Variants in TM9SF3 observed in about 807,000 individuals in gnomAD.
TM9SF3 encodes SM-11044-binding protein.
A neutral mutation model predicts 78.6 loss-of-function variants in TM9SF3; 14 were observed. That is an observed-to-expected ratio of 0.18 (90% CI 0.12 to 0.28). The LOEUF (loss-of-function observed/expected upper bound fraction) is 0.28, where lower values mean the gene tolerates loss of function less well. Ranked by LOEUF, TM9SF3 falls within the 10% of genes least tolerant of loss-of-function variation. TM9SF3 has a pLI of 1.00. For missense variants in TM9SF3, 496 were observed against 721.9 expected (o/e 0.69, Z 3.59); for synonymous variants, 231 against 241.7 (o/e 0.96, Z 0.41).
At chr10:96,547,823 A>G in intron 8 of TM9SF3, 72 bp downstream of exon 8, 1 of 1,359,120 alleles carries the variant, frequency 7.4e-7, no homozygotes, top group South Asian at 1.2e-5. Context: ...CTCTCAAAAC[A>G]AACAAAAAAA....
chr10:96,562,192 T>G, intron 3 of TM9SF3, 54 bp from the exon 4 acceptor site: 1 of 1,299,724 alleles, frequency 7.7e-7, no homozygotes, highest in Non-Finnish European at 1.1e-6. Flanking sequence ...ATTTAAAATA[T>G]CCTACAAGCT....
intron 8 of TM9SF3, among the ~76,000 whole-genome samples, chr10:96,547,681 T>C (rs2134141165): frequency 6.6e-6 from 1 of 152,236 alleles, no homozygotes; most frequent in Non-Finnish European, 1.5e-5. Flanking sequence ...TAGCTGGGCA[T>C]GGTGGCACAC....
chr10:96,559,779 A>G (rs1409912004), intron 4 of TM9SF3, 43 bp from the exon 5 acceptor site: 3 of 1,199,630 alleles, frequency 2.5e-6, no homozygotes, highest in Non-Finnish European at 2.4e-6. Context: ...CCAGTAAACA[A>G]ATTAATAATC....
chr10:96,559,978 T>A (rs1316381170), intron 4 of TM9SF3, among the ~76,000 whole-genome samples: 7 of 152,230 alleles, frequency 4.6e-5, no homozygotes, highest in African/African-American at 1.4e-4. Flanking sequence ...TCAAGGACTG[T>A]TTACTTTTGT....
rs1197075045 is a variant in TM9SF3, at chr10:96,538,985, A to G, written c.1185+5091T>C. On this transcript the variant is annotated intron_variant, in intron 9 of 14. Transcript: ENST00000371142. ...TCTTGAAAACTTAAACTACCATATG[A>G]CCCAGCCATTCCACTCCTAGTTATT... Among the ~76,000 whole-genome samples the G allele has an allele frequency of 2.0e-5, 3 of 152,352 alleles. No homozygotes were observed. In the East Asian group the frequency reaches 5.8e-4, roughly 29 times the overall value.
intron 8 of TM9SF3, among the ~76,000 whole-genome samples, chr10:96,544,841 C>T (rs1165791975): frequency 6.6e-6 from 1 of 151,664 alleles, no homozygotes. Context: ...AAAAATTAAA[C>T]GTGAAATAAT....
intron 2 of TM9SF3, among the ~76,000 whole-genome samples, chr10:96,573,248 A>C (rs1417113205): frequency 5.9e-5 from 9 of 152,200 alleles, no homozygotes; most frequent in Non-Finnish European, 1.3e-4. Flanking sequence ...CACCATGGAT[A>C]AATCACTTTA....
At chr10:96,555,843 C>G (rs1315628908) in intron 5 of TM9SF3, among the ~76,000 whole-genome samples, 1 of 152,134 alleles carries the variant, frequency 6.6e-6, no homozygotes, top group Non-Finnish European at 1.5e-5. Context: ...TGTTCCCACC[C>G]TGAGATGTTA....
In TM9SF3 at chr10:96,527,446, A is replaced by G; in HGVS notation, c.1592T>C (p.Met531Thr). The G allele has an allele frequency of 6.2e-7, 1 of 1,611,326 alleles. No homozygotes were observed. Among genetic ancestry groups the G allele is most frequent in the African/African-American group, 1.3e-5 (1 of 74,944 alleles). Residue 531 changes from methionine (M) to threonine (T), a missense_variant, in exon 13 of 15, where the codon ATG becomes ACG. This residue lies in a region of TM9SF3 where 280 missense variants were observed against 422.6 expected (regional missense o/e 0.66). Transcript: ENST00000371142. ...GAAAAAATAGTAGTAAAAGGAATACATGTAAACATAGATTGCAGTTGATGC... is the reference window on the plus strand; with the variant it reads ...GAAAAAATAGTAGTAAAAGGAATACGTGTAAACATAGATTGCAGTTGATGC... ...SAASTAIYVY[M>T]YSFYYYFFKT...
intron 9 of TM9SF3, among the ~76,000 whole-genome samples, chr10:96,539,946 C>A (rs1322230540): frequency 6.6e-6 from 1 of 152,182 alleles, no homozygotes; most frequent in African/African-American, 2.4e-5. Flanking sequence ...CTGCCTATCT[C>A]TTTGCGTTCT....
In TM9SF3 at chr10:96,521,132, A is replaced by C. The variant is rs996828479; in HGVS notation, c.*1131T>G. 5.4e-6 allele frequency: 2 copies of C among 370,928 alleles called. No homozygotes were observed. Among genetic ancestry groups the C allele is most frequent in the Non-Finnish European group, 9.6e-6 (2 of 207,924 alleles). The allele number at this position is 370,928 out of a possible 1,614,324, so 23.0% of individuals were successfully genotyped here. A position where few individuals can be genotyped will look rare whatever the true frequency, so the allele number is the denominator to read the frequency against. On this transcript the variant is annotated 3_prime_UTR_variant, in exon 15 of 15. Transcript: ENST00000371142. Reference sequence around the variant, plus strand: ...TCTCAGAAAATAAACAGAAGAAAACAACCCCCCTCCCAAAAGAAGTATGAC... The same window carrying C: ...TCTCAGAAAATAAACAGAAGAAAACCACCCCCCTCCCAAAAGAAGTATGAC...
chr10:96,563,911 A>G lies in TM9SF3; in HGVS notation c.421+1393T>C, dbSNP rs372473556. Among the ~76,000 whole-genome samples, 7 of 151,992 alleles carry G rather than the reference A, an allele frequency of 4.6e-5. No homozygotes were observed. In the South Asian group the frequency reaches 1.5e-3, roughly 32 times the overall value. On this transcript the variant is annotated intron_variant, in intron 3 of 14. Transcript: ENST00000371142. Reference sequence around the variant, plus strand: ...AAAAGTATTTCCCCAAACAGGGCATATTCTAAAATCCCAGGGCTATAATAA... The same window carrying G: ...AAAAGTATTTCCCCAAACAGGGCATGTTCTAAAATCCCAGGGCTATAATAA...
chr10:96,582,575 C>G (rs1848582728), intron 1 of TM9SF3, among the ~76,000 whole-genome samples: 1 of 152,092 alleles, frequency 6.6e-6, no homozygotes, highest in Non-Finnish European at 1.5e-5. Context: ...TCCCTTCAAT[C>G]AGTTATTAAA....
chr10:96,546,901 T>C (rs1251176719), intron 8 of TM9SF3, among the ~76,000 whole-genome samples: 1 of 152,208 alleles, frequency 6.6e-6, no homozygotes, highest in Non-Finnish European at 1.5e-5. Flanking sequence ...TTTTAAGGTA[T>C]TTCAACAACA....
rs369619360 is a variant in TM9SF3 at position 96,582,107 on chromosome 10, C to CA, written c.102+4626dup. ...CACAGTGCTTGCGTATATAACAGAC[C>CA]AAAAAAAAAAAAATCTGACTTTGTG... On this transcript the variant is annotated intron_variant, in intron 1 of 14. Coordinates refer to ENST00000371142, the MANE Select transcript of TM9SF3 (RefSeq NM_020123.4). Among the ~76,000 whole-genome samples, 747 of 139,634 alleles carry CA rather than the reference C, an allele frequency of 5.3e-3. 15 individuals are homozygous for CA. The highest frequency in any genetic ancestry group is 2.5e-3 in the East Asian group (12 of 4,886). 91.6% of individuals were successfully genotyped at this position (139,634 alleles called of 152,430 possible).
rs936656014 is a variant in TM9SF3, at chr10:96,518,431, T to C, written c.*3832A>G. The C allele has an allele frequency of 6.6e-6, 1 of 152,196 alleles. No homozygotes were observed. The highest frequency in any genetic ancestry group is 1.5e-5 in the Non-Finnish European group (1 of 68,010). The allele number at this position is 152,196 out of a possible 1,614,324, so 9.4% of individuals were successfully genotyped here. A position where few individuals can be genotyped will look rare whatever the true frequency, so the allele number is the denominator to read the frequency against. The stretch of plus-strand genomic sequence containing the variant: ...CAAATAGAATTCCATGTTATTTCTT[T>C]CTTGCCTTAAGCTCTTATATCTTTC... On this transcript the variant is annotated 3_prime_UTR_variant, in exon 15 of 15. Coordinates refer to ENST00000371142, the MANE Select transcript of TM9SF3 (RefSeq NM_020123.4).
Position 96,518,900 on chromosome 10 carries a change from T to C in TM9SF3, c.*3363A>G, listed in dbSNP as rs1166323236. ...GAAGATATAAAACATTAATGAATAC[T>C]TGTGTTTTAATACATCACTACTCCT... On this transcript the variant is annotated 3_prime_UTR_variant, in exon 15 of 15. Coordinates refer to ENST00000371142, the MANE Select transcript of TM9SF3 (RefSeq NM_020123.4). 6.6e-6 allele frequency: 1 copy of C among 152,148 alleles called. No homozygotes were observed. The highest frequency in any genetic ancestry group is 1.9e-4 in the East Asian group (1 of 5,198). The allele number at this position is 152,148 out of a possible 1,614,324, so 9.4% of individuals were successfully genotyped here.
intron 2 of TM9SF3, among the ~76,000 whole-genome samples, chr10:96,568,153 C>T (rs1848399960): frequency 2.6e-5 from 4 of 152,168 alleles, no homozygotes; most frequent in African/African-American, 9.7e-5. Context: ...ACAAACATCA[C>T]AAATAACTGA....
At chr10:96,560,865 A>G (rs1041429545) in intron 4 of TM9SF3, 2 of 537,856 alleles carry the variant, frequency 3.7e-6, no homozygotes, top group Non-Finnish European at 7.2e-6. Flanking sequence ...CACCAAAAGG[A>G]CCTAGTTCTG....
Sources: allele counts gnomAD v4.1 joint callset (sites outside exome capture counted in the v4.1 genomes callset), GRCh38; gene constraint gnomAD v4.1.1; regional missense constraint gnomAD v4.1.1; transcripts MANE v1.5; gene names NCBI Gene and HGNC (gene_info 2026-07-23, HGNC 2026-07-21).